The following CNGA1 variants were observed in gnomAD, a reference collection of about 807,000 sequenced individuals.
CNGA1 encodes the protein cyclic nucleotide-gated channel alpha-1.
Under a neutral mutation model 69.7 loss-of-function variants are expected in CNGA1, and 53 were observed. The ratio of observed to expected loss-of-function variants is 0.76; its 90% CI spans 0.61 to 0.96. The LOEUF is 0.96. Among genes scored for constraint, CNGA1 ranks in the 40% least tolerant of loss-of-function variants. The pLI, the probability that CNGA1 is intolerant of heterozygous loss-of-function variation, is 0.00. For synonymous variants in CNGA1, 249 were observed against 283.5 expected, an observed-to-expected ratio of 0.88 and a Z score of 1.22; for missense variants, 739 against 811.2, an observed-to-expected ratio of 0.91 and a Z score of 1.08.
intron 1 of CNGA1, among the ~76,000 whole-genome samples, 155 bp downstream of exon 1, chr4:48,016,328 A>T (rs1314832292): frequency 6.6e-6 from 1 of 152,130 alleles, no homozygotes; most frequent in East Asian, 1.9e-4. Flanking sequence ...ATCGGCGCAG[A>T]ACCCCAGCAG....
intron 2 of CNGA1, among the ~76,000 whole-genome samples, chr4:48,009,857 G>A (rs1456031834): frequency 6.6e-6 from 1 of 152,004 alleles, no homozygotes; most frequent in African/African-American, 2.4e-5. Flanking sequence ...TTTTAAGAAG[G>A]TATTTGATTT....
intron 3 of CNGA1, among the ~76,000 whole-genome samples, chr4:47,975,862 C>T (rs563052028): frequency 1.2e-4 from 18 of 152,030 alleles, no homozygotes; most frequent in Middle Eastern, 3.4e-3. Context: ...TGTTATCCTT[C>T]CCACTTCTCT....
At chr4:47,985,990 C>G (rs1009425973) in intron 2 of CNGA1, among the ~76,000 whole-genome samples, 9 of 152,238 alleles carry the variant, frequency 5.9e-5, no homozygotes, top group Admixed American at 5.9e-4. Context: ...ATTGTGCTCT[C>G]TCTTCCTTTT....
chr4:47,976,178 CAT>C lies in CNGA1; in HGVS notation c.-15+5213_-15+5214del, dbSNP rs531039686. 1.4e-3 allele frequency among the ~76,000 whole-genome samples: 69 copies of C among 49,916 alleles called. 3 individuals carry two copies. The highest frequency in any genetic ancestry group is 6.2e-3 in the African/African-American group (63 of 10,094). The allele number at this position is 49,916 out of a possible 152,430, so 32.7% of individuals were successfully genotyped here. A position where few individuals can be genotyped will look rare whatever the true frequency, so the allele number is the denominator to read the frequency against. On this transcript the variant is annotated intron_variant, in intron 3 of 10. Coordinates refer to ENST00000514170, the MANE Select transcript of CNGA1 (RefSeq NM_001379270.1). ...ATATATATATATATATATACACATACATATATATATACATATATATGTATATA... is the reference window on the plus strand; with the variant it reads ...ATATATATATATATATATACACATACATATATATACATATATATGTATATA...
intron 2 of CNGA1, among the ~76,000 whole-genome samples, chr4:47,982,413 G>A (rs1741759388): frequency 2.0e-5 from 3 of 152,258 alleles, no homozygotes; most frequent in African/African-American, 4.8e-5. Context: ...ACCTCAAGAT[G>A]CCTAGCAGAG....
At chr4:47,972,148 C>A (rs948427594) in intron 3 of CNGA1, among the ~76,000 whole-genome samples, 14 of 152,132 alleles carry the variant, frequency 9.2e-5, no homozygotes, top group African/African-American at 3.1e-4. Flanking sequence ...TCACTTGAAA[C>A]CATTTTGGAA....
At chr4:47,940,731 A>G in intron 10 of CNGA1, 32 bp downstream of exon 10, 1 of 1,355,738 alleles carries the variant, frequency 7.4e-7, no homozygotes, top group Non-Finnish European at 1.1e-6. Context: ...AAAGCATGAA[A>G]TTTTAAAATA....
In CNGA1 at chr4:47,996,080, G is replaced by A. The variant is rs561606249; in HGVS notation, c.-122-14580C>T. Reference sequence around the variant, plus strand: ...CTGAAGGAGCAATCCACTTCCTTCAGAGAGGTCTCTGGGTACTCCCAGGTT... The same window carrying A: ...CTGAAGGAGCAATCCACTTCCTTCAAAGAGGTCTCTGGGTACTCCCAGGTT... On this transcript the variant is annotated intron_variant, in intron 2 of 10. Transcript: ENST00000514170. 3.9e-4 allele frequency among the ~76,000 whole-genome samples: 59 copies of A among 152,262 alleles called. No homozygotes were observed. In the South Asian group the frequency reaches 0.012, roughly 31 times the overall value.
chr4:48,011,378 TACACACATGCACACATGC>T (rs1715154654), intron 1 of CNGA1, among the ~76,000 whole-genome samples: 4 of 148,668 alleles, frequency 2.7e-5, no homozygotes, highest in Admixed American at 2.0e-4. Context: ...GTCTTTTAAA[TACACACATGCACACATGC>T]ACACACATGC....
At chr4:48,001,692 T>C (rs1714669911) in intron 2 of CNGA1, among the ~76,000 whole-genome samples, 1 of 152,164 alleles carries the variant, frequency 6.6e-6, no homozygotes, top group Admixed American at 6.5e-5. Context: ...CTTAACCCAA[T>C]TGACATTTCT....
chr4:47,987,880 A>C (rs1742055611), intron 2 of CNGA1, among the ~76,000 whole-genome samples: 1 of 152,168 alleles, frequency 6.6e-6, no homozygotes, highest in African/African-American at 2.4e-5. Flanking sequence ...CAACATGTGC[A>C]AAGACAGAAC....
At chr4:47,992,447 T>G (rs1179822736) in intron 2 of CNGA1, among the ~76,000 whole-genome samples, 58 of 148,554 alleles carry the variant, frequency 3.9e-4, no homozygotes, top group Non-Finnish European at 2.8e-4. Context: ...AAAGTTTGAG[T>G]TCTTGATTTG....
intron 3 of CNGA1, among the ~76,000 whole-genome samples, chr4:47,955,960 T>A (rs1345259592): frequency 6.6e-6 from 1 of 152,224 alleles, no homozygotes; most frequent in Non-Finnish European, 1.5e-5. Context: ...TCACTAAATT[T>A]ACAACGACTT....
chr4:47,943,256 T>C lies in CNGA1; in HGVS notation c.362A>G (p.Asp121Gly). Residue 121 changes from aspartate to glycine, a missense_variant, in exon 8 of 11, where the codon GAC (aspartate) becomes GGC (glycine). Coordinates refer to ENST00000514170, the MANE Select transcript of CNGA1 (RefSeq NM_001379270.1). The part of the protein sequence containing the change: ...KSDDKNENKN[D>G]PEKKKKKKDK... ...CTTTTTCTTCTTTTTCTTCTCTGGG[T>C]CGTTTTTATTTTCGTTTTTATCATC... The C allele has an allele frequency of 1.3e-6, 2 of 1,571,220 alleles. No individual in the cohort carries two copies. Among genetic ancestry groups the C allele is most frequent in the Non-Finnish European group, 1.7e-6 (2 of 1,157,976 alleles).
intron 2 of CNGA1, among the ~76,000 whole-genome samples, chr4:47,982,173 T>A (rs975052925): frequency 6.6e-6 from 1 of 152,238 alleles, no homozygotes; most frequent in Non-Finnish European, 1.5e-5. Flanking sequence ...ACAGGCTACA[T>A]ACTCACAAAA....
intron 3 of CNGA1, among the ~76,000 whole-genome samples, chr4:47,962,082 G>A (rs955914360): frequency 3.3e-5 from 5 of 152,040 alleles, no homozygotes; most frequent in East Asian, 3.9e-4. Context: ...GCGGTGGCTC[G>A]TGCCTGTAAT....
rs1173448242 is a variant in CNGA1 at position 47,936,388 on chromosome 4, G to T, written c.*33C>A. ...AGTCATAGGATCAAAAGGATCATGA[G>T]GCATGTCCCTGTTAATGACCAGCTT... On this transcript the variant is annotated 3_prime_UTR_variant, in exon 11 of 11. Coordinates refer to ENST00000514170, the MANE Select transcript of CNGA1 (RefSeq NM_001379270.1). 8 of 1,597,126 alleles carry T rather than the reference G, an allele frequency of 5.0e-6. No individual in the cohort carries two copies. Among genetic ancestry groups the T allele is most frequent in the Non-Finnish European group, 6.0e-6 (7 of 1,164,614 alleles).
At chr4:47,958,478 G>A (rs568572262) in intron 3 of CNGA1, among the ~76,000 whole-genome samples, 1 of 152,136 alleles carries the variant, frequency 6.6e-6, no homozygotes, top group South Asian at 2.1e-4. Flanking sequence ...ACAAAAATTA[G>A]CAGGGCATGA....
intron 3 of CNGA1, among the ~76,000 whole-genome samples, chr4:47,955,159 C>T (rs1026531642): frequency 2.9e-5 from 4 of 139,228 alleles, no homozygotes; most frequent in African/African-American, 5.3e-5. Context: ...TTTTCTCTGT[C>T]TCTTTTTTCT....
Sources: allele counts gnomAD v4.1 joint callset (sites outside exome capture counted in the v4.1 genomes callset), GRCh38; gene constraint gnomAD v4.1.1; transcripts MANE v1.5; gene names NCBI Gene and HGNC (gene_info 2026-07-23, HGNC 2026-07-21).